The following THEMIS variants were observed in gnomAD, a reference collection of about 807,000 sequenced individuals.
THEMIS encodes the protein thymocyte selection associated, also known as protein THEMIS.
A neutral mutation model predicts 52.6 loss-of-function variants in THEMIS; 37 were observed. That is an observed-to-expected ratio of 0.70 (90% CI 0.54 to 0.93). THEMIS has a LOEUF of 0.93. Ranked by LOEUF, THEMIS falls within the 40% of genes least tolerant of loss-of-function variation. The pLI is 0.00. For synonymous variants in THEMIS, 292 were observed against 272.7 expected, an observed-to-expected ratio of 1.07 and a Z score of -0.70; for missense variants, 808 against 763.1, an observed-to-expected ratio of 1.06 and a Z score of -0.69.
chr6:127,763,094 C>A (rs1776076556), intron 4 of THEMIS, among the ~76,000 whole-genome samples: 1 of 151,892 alleles, frequency 6.6e-6, no homozygotes, highest in African/African-American at 2.4e-5. Flanking sequence ...CCAGGGTTTA[C>A]TCTCTTACCT....
At chr6:127,837,875 T>C (rs1778923450) in intron 2 of THEMIS, among the ~76,000 whole-genome samples, 1 of 152,116 alleles carries the variant, frequency 6.6e-6, no homozygotes, top group African/African-American at 2.4e-5. Context: ...TTTTCACAAA[T>C]ATAGTTGTTA....
Position 127,813,194 on chromosome 6 carries a change from C to CA in THEMIS, c.1446_1447insT (p.Glu483Ter), listed in dbSNP as rs777439126. 32 of 1,613,940 alleles carry CA rather than the reference C, an allele frequency of 2.0e-5. No homozygotes were observed. The highest frequency in any genetic ancestry group is 2.6e-5 in the Non-Finnish European group (31 of 1,180,014). On this transcript the variant is annotated frameshift_variant, in exon 4 of 6. Transcript: ENST00000368248. LOFTEE classifies it high-confidence loss of function. ...AGTAGGTAAGAGTCTGTAATGTCCT[C>CA]CTCCAACTGCAGTCCTGGTGTGGCA...
intron 1 of THEMIS, among the ~76,000 whole-genome samples, chr6:127,889,531 G>T (rs567708133): frequency 1.3e-5 from 2 of 152,088 alleles, no homozygotes; most frequent in East Asian, 3.9e-4. Flanking sequence ...ATATTCCAAA[G>T]AGTATTACAA....
At chr6:127,896,569 C>A (rs1266482535) in intron 1 of THEMIS, among the ~76,000 whole-genome samples, 1 of 151,424 alleles carries the variant, frequency 6.6e-6, no homozygotes, top group Non-Finnish European at 1.5e-5. Context: ...CAAACCAAAG[C>A]ACAGCTAATC....
Position 127,710,029 on chromosome 6 carries a change from AAAG to A in THEMIS, c.1895-16_1895-14del, listed in dbSNP as rs747746248. On this transcript the variant is annotated splice_polypyrimidine_tract_variant and intron_variant, in intron 5 of 5. Coordinates refer to ENST00000368248, the MANE Select transcript of THEMIS (RefSeq NM_001010923.3). The stretch of plus-strand genomic sequence containing the variant: ...TTTTTGAATGTTTCTATAAATAAAA[AAAG>A]AAGGGTTTATCAGAAATAAGTATTG... 6.5e-7 allele frequency: 1 copy of A among 1,543,850 alleles called. No individual in the cohort carries two copies. Among genetic ancestry groups the A allele is most frequent in the Non-Finnish European group, 8.8e-7 (1 of 1,133,698 alleles).
chr6:127,872,111 A>T (rs1780175266), intron 1 of THEMIS, among the ~76,000 whole-genome samples: 1 of 152,200 alleles, frequency 6.6e-6, no homozygotes, highest in Admixed American at 6.5e-5. Context: ...CACCATGACC[A>T]AGTGTGGTTA....
chr6:127,753,929 A>T (rs528976817), intron 4 of THEMIS, among the ~76,000 whole-genome samples: 144 of 152,212 alleles, frequency 9.5e-4, no homozygotes, highest in Non-Finnish European at 1.5e-3. Flanking sequence ...GATGATGATG[A>T]TGATAATAAT....
chr6:127,697,003 G>A, the THEMIS span, among the ~76,000 whole-genome samples: 6 of 151,862 alleles, frequency 4.0e-5, no homozygotes, highest in Non-Finnish European at 7.4e-5. Context: ...TAACACATGC[G>A]CCCACACACA....
chr6:127,850,400 G>C (rs1312554868), intron 2 of THEMIS, among the ~76,000 whole-genome samples: 2 of 151,504 alleles, frequency 1.3e-5, no homozygotes, highest in African/African-American at 4.8e-5. Flanking sequence ...CTACTCAAAG[G>C]AAAAAAAGTC....
At chr6:127,907,210 C>CCT (rs973696071) in intron 1 of THEMIS, among the ~76,000 whole-genome samples, 1 of 151,754 alleles carries the variant, frequency 6.6e-6, no homozygotes, top group East Asian at 1.9e-4. Context: ...AGGAATCACT[C>CCT]CTGTGATTTT....
chr6:127,791,488 T>C (rs1332040439), intron 4 of THEMIS, among the ~76,000 whole-genome samples: 1 of 152,178 alleles, frequency 6.6e-6, no homozygotes, highest in African/African-American at 2.4e-5. Context: ...AAGTAGGTGC[T>C]GATCGGCCCG....
At chr6:127,847,703 A>G (rs1285657311) in intron 2 of THEMIS, among the ~76,000 whole-genome samples, 1 of 151,928 alleles carries the variant, frequency 6.6e-6, no homozygotes. Flanking sequence ...CAATATTGTG[A>G]AAATGACCAC....
chr6:127,903,255 G>A (rs1330892765), upstream of THEMIS, among the ~76,000 whole-genome samples: 2 of 151,742 alleles, frequency 1.3e-5, no homozygotes, highest in African/African-American at 4.8e-5. Context: ...CTGACACACA[G>A]GCAAAAAAAT....
intron 4 of THEMIS, among the ~76,000 whole-genome samples, chr6:127,723,608 C>A (rs1006757075): frequency 1.3e-5 from 2 of 151,928 alleles, no homozygotes; most frequent in South Asian, 2.1e-4. Flanking sequence ...TTAGTAAGCA[C>A]TCTGGACTCT....
intron 2 of THEMIS, among the ~76,000 whole-genome samples, chr6:127,847,604 T>C (rs539993973): frequency 9.2e-5 from 14 of 151,822 alleles, no homozygotes; most frequent in Non-Finnish European, 1.8e-4. Context: ...GAAAGAACTT[T>C]ATAAGAAAAA....
intron 4 of THEMIS, among the ~76,000 whole-genome samples, chr6:127,770,632 C>T (rs922989191): frequency 2.6e-5 from 4 of 152,170 alleles, no homozygotes; most frequent in African/African-American, 9.7e-5. Context: ...AATTAGATCC[C>T]ATTTGTCAAT....
chr6:127,902,315 ACT>A (rs1395284182), upstream of THEMIS, among the ~76,000 whole-genome samples: 1 of 121,016 alleles, frequency 8.3e-6, no homozygotes, highest in Admixed American at 9.6e-5. Flanking sequence ...ACACAGCAAG[ACT>A]CTGTCTCAAA....
intron 4 of THEMIS, among the ~76,000 whole-genome samples, chr6:127,797,670 A>T (rs1777375637): frequency 6.6e-6 from 1 of 152,206 alleles, no homozygotes; most frequent in South Asian, 2.1e-4. Flanking sequence ...AGAAGAACCC[A>T]ACATCTCTTA....
At chr6:127,700,820 T>C in the THEMIS span, among the ~76,000 whole-genome samples, 8 of 152,036 alleles carry the variant, frequency 5.3e-5, no homozygotes, top group Non-Finnish European at 1.2e-4. Flanking sequence ...TATGTCGTTT[T>C]TCCTCCACTT....
Sources: allele counts gnomAD v4.1 joint callset (sites outside exome capture counted in the v4.1 genomes callset), GRCh38; gene constraint gnomAD v4.1.1; transcripts MANE v1.5; gene names NCBI Gene and HGNC (gene_info 2026-07-23, HGNC 2026-07-21).